ANKDD1A: variants seen among roughly 807,000 people sequenced by gnomAD.
ANKDD1A encodes the protein ankyrin repeat and death domain-containing protein 1A.
Under a neutral mutation model 63.5 loss-of-function variants are expected in ANKDD1A, and 59 were observed. The ratio of observed to expected loss-of-function variants is 0.93; its 90% CI spans 0.75 to 1.15. The LOEUF is 1.15. Among genes scored for constraint, ANKDD1A ranks in the 50% most tolerant of loss-of-function variants. The pLI is 0.00. For missense variants in ANKDD1A, 632 were observed against 656.4 expected (o/e 0.96, Z 0.41); for synonymous variants, 266 against 263.9 (o/e 1.01, Z -0.08).
At chr15:64,947,018 T>C (rs140086152) in intron 12 of ANKDD1A, among the ~76,000 whole-genome samples, 224 of 152,298 alleles carry the variant, frequency 1.5e-3, no homozygotes, top group African/African-American at 5.3e-3. Flanking sequence ...CTGCCTGGTT[T>C]TGGCCAAAGC....
At chr15:64,949,625 C>T (rs2085253239) in intron 13 of ANKDD1A, among the ~76,000 whole-genome samples, 1 of 152,184 alleles carries the variant, frequency 6.6e-6, no homozygotes, top group Admixed American at 6.5e-5. Context: ...AAGACACAAA[C>T]CCTTCCCTCC....
At chr15:64,932,890 A>C (rs1042314588) in intron 8 of ANKDD1A, 1 of 150,798 alleles carries the variant, frequency 6.6e-6, no homozygotes, top group East Asian at 2.0e-4. Flanking sequence ...TTGAGGCTGC[A>C]GTGAGCTATG....
intron 13 of ANKDD1A, among the ~76,000 whole-genome samples, chr15:64,948,670 A>G (rs2085243123): frequency 2.0e-5 from 3 of 152,054 alleles, no homozygotes; most frequent in South Asian, 2.1e-4. Flanking sequence ...TACTAAAAAT[A>G]CAAAAATTAG....
At chr15:64,934,030 C>G in intron 8 of ANKDD1A, 106 bp from the exon 9 acceptor site, 2 of 868,122 alleles carry the variant, frequency 2.3e-6, no homozygotes, top group Non-Finnish European at 3.6e-6. Flanking sequence ...GATAATACTC[C>G]CAGGGGTGTT....
At chr15:64,952,927 GTTC>G (rs755571226) in intron 14 of ANKDD1A, among the ~76,000 whole-genome samples, 197 of 92,634 alleles carry the variant, frequency 2.1e-3, no homozygotes, top group African/African-American at 6.1e-3. Context: ...CTTCTTCTTA[GTTC>G]TTCTTCCTCT....
intron 3 of ANKDD1A, among the ~76,000 whole-genome samples, chr15:64,920,550 A>ATATT (rs2085000813): frequency 1.3e-5 from 2 of 151,858 alleles, no homozygotes; most frequent in Admixed American, 6.6e-5. Context: ...ATTCTATGGG[A>ATATT]TATTTATTTA....
At position 64,947,613 on chromosome 15, in the gene ANKDD1A, C is replaced by A. The variant is rs372208010; in HGVS notation, c.1351+20C>A. ...GGACAGGTACCACCTTGCCTCTCCTCGCCCTAAGCAACCATTGGGCGGAGG... is the reference window on the plus strand; with the variant it reads ...GGACAGGTACCACCTTGCCTCTCCTAGCCCTAAGCAACCATTGGGCGGAGG... On this transcript the variant is annotated intron_variant, in intron 13 of 14. Coordinates refer to ENST00000319580, the MANE Select transcript of ANKDD1A (RefSeq NM_182703.6). 6.2e-7 allele frequency: 1 copy of A among 1,611,242 alleles called. No individual in the cohort carries two copies. Among genetic ancestry groups the A allele is most frequent in the Admixed American group, 1.7e-5 (1 of 59,700 alleles).
At chr15:64,931,349 T>C (rs890789846) in intron 7 of ANKDD1A, 138 bp from the exon 8 acceptor site, 10 of 726,158 alleles carry the variant, frequency 1.4e-5, no homozygotes, top group Admixed American at 1.1e-4. Context: ...GAAAGTTCAT[T>C]GTTCCCAGGG....
rs1209099937 is a variant in ANKDD1A at position 64,915,920 on chromosome 15, G to A, written c.138+20G>A. 7 of 1,608,354 alleles carry A rather than the reference G, an allele frequency of 4.4e-6. No individual in the cohort carries two copies. The highest frequency in any genetic ancestry group is 6.0e-6 in the Non-Finnish European group (7 of 1,176,094). Reference sequence around the variant, plus strand: ...AACCACGTGCGTAATGAGCTTCTCTGAATCCAGGCACCTGGGATAGTGTCA... The same window carrying A: ...AACCACGTGCGTAATGAGCTTCTCTAAATCCAGGCACCTGGGATAGTGTCA... On this transcript the variant is annotated intron_variant, in intron 2 of 14. Coordinates refer to ENST00000319580, the MANE Select transcript of ANKDD1A (RefSeq NM_182703.6).
At chr15:64,927,034 G>A in intron 6 of ANKDD1A, 35 bp downstream of exon 6, 1 of 1,611,928 alleles carries the variant, frequency 6.2e-7, no homozygotes, top group Non-Finnish European at 8.5e-7. Context: ...ATCCTGACCA[G>A]GGTGCAAAAC....
chr15:64,950,095 T>G (rs1209142729), intron 14 of ANKDD1A, 123 bp downstream of exon 14: 1 of 1,510,276 alleles, frequency 6.6e-7, no homozygotes, highest in Admixed American at 2.0e-5. Flanking sequence ...CCTTCCAGAT[T>G]CCTACCCCTA....
intron 9 of ANKDD1A, among the ~76,000 whole-genome samples, chr15:64,939,834 T>A (rs1417652856): frequency 6.6e-6 from 1 of 152,158 alleles, no homozygotes; most frequent in Non-Finnish European, 1.5e-5. Context: ...TCACACCTTA[T>A]ACAAAATTAA....
chr15:64,912,284 C>T (rs1264578662), intron 1 of ANKDD1A, among the ~76,000 whole-genome samples: 5 of 152,192 alleles, frequency 3.3e-5, no homozygotes, highest in African/African-American at 4.8e-5. Flanking sequence ...AGGAGAGGCA[C>T]GTCATTTGAT....
intron 2 of ANKDD1A, among the ~76,000 whole-genome samples, chr15:64,916,110 A>G (rs1482407725): frequency 2.0e-5 from 3 of 152,144 alleles, no homozygotes; most frequent in Non-Finnish European, 4.4e-5. Context: ...CAGGACCAGG[A>G]TGTCAAGCCA....
intron 13 of ANKDD1A, 151 bp from the exon 14 acceptor site, chr15:64,949,690 C>T: frequency 2.5e-6 from 3 of 1,190,734 alleles, no homozygotes; most frequent in Non-Finnish European, 1.2e-6. Flanking sequence ...CTGAGCTTGG[C>T]TGGAGCATGG....
intron 14 of ANKDD1A, chr15:64,951,380 T>C (rs2085271780): frequency 2.3e-4 from 97 of 421,084 alleles, no homozygotes; most frequent in African/African-American, 1.4e-3. Flanking sequence ...CTTCTTTCTT[T>C]TTCTTTTCTT....
chr15:64,934,788 A>G (rs2085115964), intron 9 of ANKDD1A, among the ~76,000 whole-genome samples: 1 of 150,862 alleles, frequency 6.6e-6, no homozygotes, highest in Non-Finnish European at 1.5e-5. Context: ...AAGTGCTGGG[A>G]TTACAGGCAT....
intron 14 of ANKDD1A, among the ~76,000 whole-genome samples, chr15:64,954,815 C>T (rs1025399714): frequency 4.1e-5 from 6 of 146,842 alleles, no homozygotes; most frequent in Non-Finnish European, 6.0e-5. Context: ...CTTCCTTGTT[C>T]TTCTCCTTCT....
intron 13 of ANKDD1A, among the ~76,000 whole-genome samples, chr15:64,948,942 A>G (rs763121921): frequency 9.9e-5 from 15 of 152,234 alleles, no homozygotes; most frequent in Non-Finnish European, 2.2e-4. Context: ...ACTTTCATAT[A>G]TGATAAAGAA....
Sources: gnomAD v4.1 joint callset for allele counts (sites outside exome capture counted in the v4.1 genomes callset) on GRCh38, gnomAD v4.1.1 for gene constraint, MANE v1.5 for transcripts, NCBI Gene and HGNC (gene_info 2026-07-23, HGNC 2026-07-21) for gene names.